CNTN1: variants seen among roughly 807,000 people sequenced by gnomAD.
The protein encoded by CNTN1 is contactin 1, also known as contactin-1.
A neutral mutation model predicts 126.4 loss-of-function variants in CNTN1; 38 were observed. The observed-to-expected ratio is 0.30, with a 90% CI of 0.23 to 0.39. The LOEUF (loss-of-function observed/expected upper bound fraction) is 0.39. Among genes scored for constraint, CNTN1 ranks in the 10% least tolerant of loss-of-function variants. CNTN1 has a pLI of 1.00. For synonymous variants in CNTN1, 413 were observed against 422.6 expected (o/e 0.98, Z 0.28); for missense variants, 1,009 against 1,248.4 (o/e 0.81, Z 2.89).
chr12:40,717,054 C>A (rs953839875), intron 1 of CNTN1, among the ~76,000 whole-genome samples: 2 of 146,902 alleles, frequency 1.4e-5, no homozygotes, highest in African/African-American at 5.0e-5. Flanking sequence ...TTTATGTAAC[C>A]CTCACAGCTA....
intron 15 of CNTN1, among the ~76,000 whole-genome samples, chr12:40,969,617 CACA>C (rs1947431381): frequency 6.6e-6 from 1 of 152,132 alleles, no homozygotes; most frequent in Admixed American, 6.6e-5. Context: ...CCCTAAAAAG[CACA>C]ACACTATTTT....
At chr12:40,935,933 G>T (rs894547316) in intron 9 of CNTN1, among the ~76,000 whole-genome samples, 3 of 151,736 alleles carry the variant, frequency 2.0e-5, no homozygotes, top group Non-Finnish European at 2.9e-5. Flanking sequence ...TATTGCTTTT[G>T]CCATAAAATT....
At chr12:41,022,724 G>A (rs564511556) in intron 20 of CNTN1, among the ~76,000 whole-genome samples, 1 of 152,168 alleles carries the variant, frequency 6.6e-6, no homozygotes, top group African/African-American at 2.4e-5. Flanking sequence ...CAACCCTAGA[G>A]GATAGACACT....
intron 23 of CNTN1, chr12:41,061,882 G>C (rs555607208): frequency 1.3e-5 from 6 of 452,178 alleles, no homozygotes; most frequent in Non-Finnish European, 2.2e-5. Context: ...GACAGAACTA[G>C]AGGTAGGTCT....
At chr12:40,864,383 A>T (rs1019915893) in intron 1 of CNTN1, among the ~76,000 whole-genome samples, 7 of 152,124 alleles carry the variant, frequency 4.6e-5, no homozygotes, top group African/African-American at 1.7e-4. Context: ...CAATTCACCC[A>T]TTTAAAGTGT....
At chr12:41,014,120 A>G in intron 17 of CNTN1, 108 bp from the exon 18 acceptor site, 1 of 976,074 alleles carries the variant, frequency 1.0e-6, no homozygotes, top group Non-Finnish European at 1.6e-6. Flanking sequence ...TTCCTAGTAA[A>G]AGAAAAACAT....
chr12:40,770,698 G>A (rs1021934994), intron 1 of CNTN1, among the ~76,000 whole-genome samples: 1 of 152,022 alleles, frequency 6.6e-6, no homozygotes, highest in African/African-American at 2.4e-5. Flanking sequence ...CATATAATAT[G>A]CCATTAACAA....
At chr12:40,868,452 C>A (rs1943374555) in intron 1 of CNTN1, among the ~76,000 whole-genome samples, 1 of 152,062 alleles carries the variant, frequency 6.6e-6, no homozygotes, top group African/African-American at 2.4e-5. Context: ...AATCTGAACC[C>A]AGAATGCCAG....
intron 17 of CNTN1, among the ~76,000 whole-genome samples, chr12:41,005,588 T>C (rs537594236): frequency 6.6e-6 from 1 of 152,276 alleles, no homozygotes; most frequent in Admixed American, 6.5e-5. Context: ...GCAGATTCAG[T>C]CACATATTTT....
chr12:40,826,626 C>T (rs7358741), intron 1 of CNTN1, among the ~76,000 whole-genome samples: 1 of 152,180 alleles, frequency 6.6e-6, no homozygotes. Context: ...AAGTCTGCAC[C>T]TATTGTCATC....
At chr12:40,804,153 T>C (rs899668936) in intron 1 of CNTN1, among the ~76,000 whole-genome samples, 13 of 151,952 alleles carry the variant, frequency 8.6e-5, no homozygotes, top group African/African-American at 3.1e-4. Flanking sequence ...TTTCTGGAAG[T>C]TACATAGAAC....
At chr12:40,863,291 CTGT>C (rs1312059624) in intron 1 of CNTN1, among the ~76,000 whole-genome samples, 1 of 152,094 alleles carries the variant, frequency 6.6e-6, no homozygotes, top group African/African-American at 2.4e-5. Flanking sequence ...CTTCTATATA[CTGT>C]TATTTCAGTT....
At chr12:40,936,085 G>A (rs1286366853) in intron 9 of CNTN1, among the ~76,000 whole-genome samples, 1 of 151,810 alleles carries the variant, frequency 6.6e-6, no homozygotes, top group East Asian at 1.9e-4. Flanking sequence ...CTGTCAAATT[G>A]TTTATTTGCT....
At chr12:40,785,874 T>C (rs534029272) in intron 1 of CNTN1, among the ~76,000 whole-genome samples, 1 of 152,220 alleles carries the variant, frequency 6.6e-6, no homozygotes, top group South Asian at 2.1e-4. Flanking sequence ...CTTATTACCA[T>C]GGGGATGGTG....
chr12:41,011,675 A>G lies in CNTN1; in HGVS notation c.2114-2553A>G. Reference sequence around the variant, plus strand: ...TCTGCCTAGACTTTGGGGCTCTCTGAAAAATGGATCTTGGGAAAGACTATG... The same window carrying G: ...TCTGCCTAGACTTTGGGGCTCTCTGGAAAATGGATCTTGGGAAAGACTATG... On this transcript the variant is annotated intron_variant, in intron 17 of 23. Coordinates refer to ENST00000551295, the MANE Select transcript of CNTN1 (RefSeq NM_001843.4). Among the ~76,000 whole-genome samples, 2 of 152,202 alleles carry G rather than the reference A, an allele frequency of 1.3e-5. 1 individual carries two copies. The highest frequency in any genetic ancestry group is 2.9e-5 in the Non-Finnish European group (2 of 68,032).
At chr12:40,702,082 T>A (rs551155154) in intron 1 of CNTN1, among the ~76,000 whole-genome samples, 74 of 144,016 alleles carry the variant, frequency 5.1e-4, no homozygotes, top group African/African-American at 1.6e-3. Context: ...AATCATGAAG[T>A]ATGCATTTTT....
chr12:40,744,734 G>A (rs74831377), intron 1 of CNTN1, among the ~76,000 whole-genome samples: 2,637 of 152,168 alleles, frequency 0.017, 26 homozygotes, highest in African/African-American at 0.029. Context: ...AGAATTGTTT[G>A]TTACAGCAGT....
At chr12:40,698,853 T>C (rs942673182) in intron 1 of CNTN1, among the ~76,000 whole-genome samples, 15 of 152,206 alleles carry the variant, frequency 9.9e-5, no homozygotes, top group African/African-American at 3.6e-4. Flanking sequence ...TTCTTCCATC[T>C]CCAATCTCCC....
chr12:40,722,629 C>T (rs537518916), intron 1 of CNTN1, among the ~76,000 whole-genome samples: 34 of 152,168 alleles, frequency 2.2e-4, no homozygotes, highest in East Asian at 5.8e-4. Context: ...CACACATGCA[C>T]GCACACACTA....
Sources: allele counts gnomAD v4.1 joint callset (sites outside exome capture counted in the v4.1 genomes callset), GRCh38; gene constraint gnomAD v4.1.1; transcripts MANE v1.5; gene names NCBI Gene and HGNC (gene_info 2026-07-23, HGNC 2026-07-21).